LRCH1: variants seen among roughly 807,000 people sequenced by gnomAD.
LRCH1 encodes leucine rich repeats and calponin homology domain containing 1.
Under a neutral mutation model 94.9 loss-of-function variants are expected in LRCH1, and 23 were observed. The observed-to-expected ratio is 0.24, with a 90% CI of 0.17 to 0.34. The LOEUF is 0.34. LRCH1 is among the 10% of genes least tolerant of loss of function. LRCH1 has a pLI of 1.00. For synonymous variants in LRCH1, 364 were observed against 354.9 expected (o/e 1.03, Z -0.29); for missense variants, 790 against 945.9 (o/e 0.84, Z 2.16).
chr13:46,636,563 C>G (rs941910668), intron 1 of LRCH1, among the ~76,000 whole-genome samples: 1 of 152,190 alleles, frequency 6.6e-6, no homozygotes, highest in Non-Finnish European at 1.5e-5. Context: ...AATTTGACTA[C>G]TCTGGGTAAT....
At chr13:46,707,707 T>A (rs1871838854) in intron 13 of LRCH1, among the ~76,000 whole-genome samples, 1 of 152,234 alleles carries the variant, frequency 6.6e-6, no homozygotes, top group East Asian at 1.9e-4. Flanking sequence ...AAGATGTATA[T>A]ATTCCTGAAT....
chr13:46,659,053 G>A (rs2051411942), intron 2 of LRCH1, among the ~76,000 whole-genome samples: 1 of 152,170 alleles, frequency 6.6e-6, no homozygotes, highest in Admixed American at 6.5e-5. Context: ...GCATCTGCAG[G>A]TCTGCAGGCA....
At chr13:46,718,125 A>C (rs1336302330) in intron 16 of LRCH1, among the ~76,000 whole-genome samples, 1 of 149,356 alleles carries the variant, frequency 6.7e-6, no homozygotes, top group Non-Finnish European at 1.5e-5. Context: ...TTCACTTTGA[A>C]GTTAAAAACC....
chr13:46,565,672 G>A (rs1176887844), intron 1 of LRCH1, among the ~76,000 whole-genome samples: 1 of 151,834 alleles, frequency 6.6e-6, no homozygotes, highest in African/African-American at 2.4e-5. Flanking sequence ...TTAGCTGGGT[G>A]TGGTGGTGGG....
At chr13:46,567,399 AG>A (rs1360528971) in intron 1 of LRCH1, among the ~76,000 whole-genome samples, 2 of 152,146 alleles carry the variant, frequency 1.3e-5, no homozygotes, top group Non-Finnish European at 2.9e-5. Flanking sequence ...TCCAACTTAA[AG>A]GAATCTGTGC....
intron 2 of LRCH1, among the ~76,000 whole-genome samples, chr13:46,650,971 T>C (rs948641918): frequency 2.0e-5 from 3 of 152,232 alleles, no homozygotes; most frequent in Admixed American, 6.5e-5. Flanking sequence ...CATAATATCA[T>C]ATATTAATGC....
intron 1 of LRCH1, among the ~76,000 whole-genome samples, chr13:46,616,657 T>G (rs1296369503): frequency 1.3e-5 from 2 of 152,352 alleles, no homozygotes; most frequent in Admixed American, 6.5e-5. Flanking sequence ...TGAAGGCAAC[T>G]GATCTGAAAC....
chr13:46,712,146 G>A (rs1872096435), intron 14 of LRCH1, among the ~76,000 whole-genome samples: 1 of 152,194 alleles, frequency 6.6e-6, no homozygotes, highest in African/African-American at 2.4e-5. Context: ...GATTCAGTGT[G>A]TGATTCAGTA....
In LRCH1 at chr13:46,553,275, C is replaced by T; in HGVS notation, c.-122C>T. 1.4e-6 allele frequency: 1 copy of T among 725,464 alleles called. No individual in the cohort carries two copies. The highest frequency in any genetic ancestry group is 2.2e-6 in the Non-Finnish European group (1 of 452,878). The allele number at this position is 725,464 out of a possible 1,614,324, so 44.9% of individuals were successfully genotyped here. On this transcript the variant is annotated 5_prime_UTR_variant, in exon 1 of 20. Transcript: ENST00000389797. ...GCGCCTGCCCACACCCTCCTCCCCTCCTTCCAGCGCCTTTCGGTGGAGCAC... is the reference window on the plus strand; with the variant it reads ...GCGCCTGCCCACACCCTCCTCCCCTTCTTCCAGCGCCTTTCGGTGGAGCAC...
intron 8 of LRCH1, among the ~76,000 whole-genome samples, chr13:46,692,880 A>G (rs1339676916): frequency 6.6e-6 from 1 of 151,976 alleles, no homozygotes; most frequent in Non-Finnish European, 1.5e-5. Flanking sequence ...GTAACTTGCC[A>G]TTGGTCACAT....
chr13:46,745,552 G>A (rs1344848567), downstream of LRCH1, among the ~76,000 whole-genome samples: 3 of 152,138 alleles, frequency 2.0e-5, no homozygotes, highest in Admixed American at 2.0e-4. Flanking sequence ...GTTCTAGGGA[G>A]AGGATGGACT....
chr13:46,695,989 A>C (rs1302303771), intron 9 of LRCH1, among the ~76,000 whole-genome samples: 1 of 152,048 alleles, frequency 6.6e-6, no homozygotes, highest in Non-Finnish European at 1.5e-5. Flanking sequence ...CACAGTCTTA[A>C]CTCTTTACTT....
chr13:46,603,356 G>C (rs1024575451), intron 1 of LRCH1, among the ~76,000 whole-genome samples: 54 of 151,998 alleles, frequency 3.6e-4, no homozygotes, highest in African/African-American at 1.3e-3. Flanking sequence ...TTCTCTTTCT[G>C]TCAGCCCCAT....
chr13:46,554,466 C>T (rs7325799), intron 1 of LRCH1, among the ~76,000 whole-genome samples: 3,053 of 152,252 alleles, frequency 0.02, 42 homozygotes, highest in East Asian at 0.057. Flanking sequence ...TTCTCAGTTA[C>T]CCAACCGTTG....
rs1343772876 is a variant in LRCH1, at chr13:46,596,032, G to A, written c.307+42329G>A. On this transcript the variant is annotated intron_variant, in intron 1 of 19. Transcript: ENST00000389797. ...CAGGCAAAAAGGCTTTTAAATACAAGTAACCAGTTTTGAGACTTTAAAAAG... is the reference window on the plus strand; with the variant it reads ...CAGGCAAAAAGGCTTTTAAATACAAATAACCAGTTTTGAGACTTTAAAAAG... 3.3e-5 allele frequency among the ~76,000 whole-genome samples: 5 copies of A among 152,310 alleles called. No individual in the cohort carries two copies. The East Asian group carries it at 5.8e-4, about 18-fold the overall frequency.
At chr13:46,557,845 A>G (rs2050082713) in intron 1 of LRCH1, among the ~76,000 whole-genome samples, 1 of 152,042 alleles carries the variant, frequency 6.6e-6, no homozygotes, top group South Asian at 2.1e-4. Context: ...GGCGACAGAG[A>G]GAGACTCCAT....
At chr13:46,564,784 A>G (rs2050164472) in intron 1 of LRCH1, among the ~76,000 whole-genome samples, 1 of 152,246 alleles carries the variant, frequency 6.6e-6, no homozygotes, top group Non-Finnish European at 1.5e-5. Context: ...ATTTGTTAGA[A>G]GCGAAAATGC....
At chr13:46,665,026 TTGAG>T (rs1275363740) in intron 2 of LRCH1, among the ~76,000 whole-genome samples, 6 of 152,320 alleles carry the variant, frequency 3.9e-5, no homozygotes, top group Admixed American at 3.9e-4. Context: ...AAGCAGCCAA[TTGAG>T]TGAGTAAATT....
chr13:46,736,454 C>T (rs1873390278), intron 19 of LRCH1, among the ~76,000 whole-genome samples: 2 of 152,134 alleles, frequency 1.3e-5, no homozygotes, highest in South Asian at 4.1e-4. Context: ...GATATTTATA[C>T]TTCCTTCCCT....
Sources: allele counts gnomAD v4.1 joint callset (sites outside exome capture counted in the v4.1 genomes callset), GRCh38; gene constraint gnomAD v4.1.1; transcripts MANE v1.5; gene names NCBI Gene and HGNC (gene_info 2026-07-23, HGNC 2026-07-21).